TTC21B: variants seen among roughly 807,000 people sequenced by gnomAD.
The protein encoded by TTC21B is tetratricopeptide repeat protein 21B.
In TTC21B, 127 loss-of-function variants were observed where a neutral mutation model predicts 175.1. The ratio of observed to expected loss-of-function variants is 0.73; its 90% CI spans 0.63 to 0.84. The LOEUF (loss-of-function observed/expected upper bound fraction) is 0.84. Ranked by LOEUF, TTC21B falls within the 40% of genes least tolerant of loss-of-function variation. The pLI is 0.00. For missense variants in TTC21B, 1,561 were observed against 1,558.3 expected, an observed-to-expected ratio of 1.00 and a Z score of -0.03; for synonymous variants, 524 against 524.5, an observed-to-expected ratio of 1.00 and a Z score of 0.01.
intron 3 of TTC21B, among the ~76,000 whole-genome samples, chr2:165,945,975 C>G (rs988886914): frequency 6.6e-6 from 1 of 152,106 alleles, no homozygotes; most frequent in Non-Finnish European, 1.5e-5. Context: ...TTTGCATGCT[C>G]TTTCCTTACT....
At chr2:165,908,031 A>G (rs1398670453) in intron 18 of TTC21B, among the ~76,000 whole-genome samples, 2 of 152,294 alleles carry the variant, frequency 1.3e-5, no homozygotes, top group Middle Eastern at 3.4e-3. Context: ...TCTTAGACAT[A>G]TATTAGGAGA....
At chr2:165,879,650 A>G (rs1206490275) in intron 27 of TTC21B, 1 of 152,252 alleles carries the variant, frequency 6.6e-6, no homozygotes, top group African/African-American at 2.4e-5. Flanking sequence ...ATCATATTTG[A>G]GAGGTTGTTC....
intron 12 of TTC21B, among the ~76,000 whole-genome samples, chr2:165,921,863 C>A (rs1467049008): frequency 6.8e-6 from 1 of 146,544 alleles, no homozygotes; most frequent in Non-Finnish European, 1.5e-5. Flanking sequence ...GGGGAACAGG[C>A]GGTGTTTGGT....
rs1012724744 is a variant in TTC21B, at chr2:165,902,338, C to T, written c.2569-428G>A. Among the ~76,000 whole-genome samples, 12 of 152,150 alleles carry T rather than the reference C, an allele frequency of 7.9e-5. No homozygotes were observed. In the East Asian group the frequency reaches 1.3e-3, roughly 17 times the overall value. The stretch of plus-strand genomic sequence containing the variant: ...CTTTAATAAATGGTAAGAACTCACA[C>T]GTTTTAGGTCTTCAAAAATAAAATT... On this transcript the variant is annotated intron_variant, in intron 19 of 28. Transcript: ENST00000243344.
chr2:165,891,716 T>C (rs985617426), intron 22 of TTC21B, among the ~76,000 whole-genome samples: 2 of 152,032 alleles, frequency 1.3e-5, no homozygotes, highest in African/African-American at 2.4e-5. Flanking sequence ...GCTTTGAGAA[T>C]AATTTAATAA....
chr2:165,933,095 T>C (rs896329873), intron 6 of TTC21B, 38 bp from the exon 7 acceptor site: 4 of 1,572,254 alleles, frequency 2.5e-6, no homozygotes, highest in Non-Finnish European at 3.5e-6. Context: ...AAAATAAATT[T>C]ATATATTTTC....
chr2:165,945,135 T>C (rs756915049), intron 4 of TTC21B, among the ~76,000 whole-genome samples: 6 of 152,204 alleles, frequency 3.9e-5, no homozygotes, highest in Non-Finnish European at 7.4e-5. Context: ...AAAGCAAAGT[T>C]TATGTATTAT....
At chr2:165,876,127 T>C (rs756092097) in intron 28 of TTC21B, 38 bp downstream of exon 28, 8 of 1,220,432 alleles carry the variant, frequency 6.6e-6, no homozygotes, top group Non-Finnish European at 9.7e-6. Flanking sequence ...AAATTGTGCA[T>C]CTGAAAAATT....
At chr2:165,904,440 C>T (rs1387948720) in intron 19 of TTC21B, among the ~76,000 whole-genome samples, 1 of 152,162 alleles carries the variant, frequency 6.6e-6, no homozygotes, top group African/African-American at 2.4e-5. Flanking sequence ...GGTATGCACG[C>T]ACATGCATGC....
At position 165,953,750 on chromosome 2, in the gene TTC21B, C is replaced by T. The variant is rs1178658718; in HGVS notation, c.-45G>A. 2.6e-6 allele frequency: 4 copies of T among 1,542,358 alleles called. No homozygotes were observed. Among genetic ancestry groups the T allele is most frequent in the Non-Finnish European group, 3.5e-6 (4 of 1,143,314 alleles). ...CGCGGGGCTCTGGGGATTGTCTCGC[C>T]GCAGCCTAAAGGAAGACGCAGAATT... On this transcript the variant is annotated 5_prime_UTR_variant, in exon 1 of 29. Coordinates refer to ENST00000243344, the MANE Select transcript of TTC21B (RefSeq NM_024753.5).
In TTC21B at chr2:165,911,476, T is replaced by C. The variant is rs756935254; in HGVS notation, c.2323-11A>G. The C allele has an allele frequency of 6.2e-7, 1 of 1,613,638 alleles. No homozygotes were observed. The highest frequency in any genetic ancestry group is 1.7e-5 in the Admixed American group (1 of 59,996). The stretch of plus-strand genomic sequence containing the variant: ...ATAGTAAGTGATTGCCTAAACAAAA[T>C]TCATTCCATTTAAGGGAACAAGGCA... On this transcript the variant is annotated splice_polypyrimidine_tract_variant and intron_variant, in intron 17 of 28. Transcript: ENST00000243344.
intron 19 of TTC21B, 33 bp downstream of exon 19, chr2:165,907,645 C>A: frequency 6.9e-7 from 1 of 1,448,732 alleles, no homozygotes; most frequent in South Asian, 1.1e-5. Context: ...CATCTCCTAC[C>A]TCATGACCAC....
chr2:165,895,339 GC>G (rs1304635744), intron 22 of TTC21B, among the ~76,000 whole-genome samples: 15 of 152,150 alleles, frequency 9.9e-5, no homozygotes, highest in Non-Finnish European at 2.2e-4. Flanking sequence ...GAAAAAGGCT[GC>G]TGCCAAGCAA....
chr2:165,946,832 T>C (rs569064898), intron 3 of TTC21B, among the ~76,000 whole-genome samples: 237 of 152,124 alleles, frequency 1.6e-3, no homozygotes, highest in Non-Finnish European at 2.0e-3. Context: ...AGGAGGTATA[T>C]GGTTAAGGAT....
At chr2:165,889,032 C>CA (rs1685100467) in intron 24 of TTC21B, among the ~76,000 whole-genome samples, 1 of 152,170 alleles carries the variant, frequency 6.6e-6, no homozygotes, top group Non-Finnish European at 1.5e-5. Context: ...CATTGCCTAT[C>CA]AGACTCTCAG....
rs555947048 is a variant in TTC21B at position 165,949,883 on chromosome 2, A to G, written c.22-159T>C. The G allele has an allele frequency of 1.1e-5, 7 of 636,668 alleles. No homozygotes were observed. The East Asian group carries it at 1.4e-4, about 13-fold the overall frequency. The allele number at this position is 636,668 out of a possible 1,614,324, so 39.4% of individuals were successfully genotyped here. A position where few individuals can be genotyped will look rare whatever the true frequency, so the allele number is the denominator to read the frequency against. On this transcript the variant is annotated intron_variant, in intron 1 of 28. Coordinates refer to ENST00000243344, the MANE Select transcript of TTC21B (RefSeq NM_024753.5). ...AAATACTATTAATGGCTAGAACTCA[A>G]TGCTAAGGATTGCAGAACTGAATGA...
chr2:165,916,539 G>T (rs2082330), intron 14 of TTC21B, among the ~76,000 whole-genome samples: 2,803 of 152,004 alleles, frequency 0.018, 126 homozygotes, highest in Admixed American at 0.1. Flanking sequence ...CAAGTATTTT[G>T]TCTCCTCATC....
intron 27 of TTC21B, 94 bp downstream of exon 27, chr2:165,880,585 A>C: frequency 7.3e-7 from 1 of 1,366,890 alleles, no homozygotes; most frequent in Non-Finnish European, 1.0e-6. Flanking sequence ...CTCAATGTTT[A>C]TTTTGTTTTG....
At chr2:165,886,903 A>G (rs1159667007) in intron 25 of TTC21B, among the ~76,000 whole-genome samples, 1 of 152,192 alleles carries the variant, frequency 6.6e-6, no homozygotes, top group African/African-American at 2.4e-5. Context: ...TTCATTCAGC[A>G]GCTGTCATCC....
Sources: allele counts gnomAD v4.1 joint callset (sites outside exome capture counted in the v4.1 genomes callset), GRCh38; gene constraint gnomAD v4.1.1; transcripts MANE v1.5; gene names NCBI Gene and HGNC (gene_info 2026-07-23, HGNC 2026-07-21).